Variants in GRIK2 observed in about 807,000 individuals in gnomAD.
The protein encoded by GRIK2 is glutamate ionotropic receptor kainate type subunit 2, also known as glutamate receptor ionotropic, kainate 2.
In GRIK2, 32 loss-of-function variants were observed where a neutral mutation model predicts 100.3. The observed-to-expected ratio is 0.32, with a 90% CI of 0.24 to 0.43. The LOEUF is 0.43. Among genes scored for constraint, GRIK2 ranks in the 20% least tolerant of loss-of-function variants. The probability of loss-of-function intolerance (pLI) is 1.00; values close to 1 mark genes in which losing one functional copy is unlikely to be tolerated. For missense variants in GRIK2, 843 were observed against 1,114.9 expected (o/e 0.76, Z 3.47); for synonymous variants, 417 against 389.4 (o/e 1.07, Z -0.83).
At chr6:102,021,819 A>T (rs2114366987) in intron 14 of GRIK2, among the ~76,000 whole-genome samples, 1 of 151,356 alleles carries the variant, frequency 6.6e-6, no homozygotes, top group East Asian at 1.9e-4. Context: ...TGTCCTTGAA[A>T]CTTCACCCAG....
intron 2 of GRIK2, among the ~76,000 whole-genome samples, chr6:101,525,382 A>C (rs1484947610): frequency 6.6e-6 from 1 of 152,152 alleles, no homozygotes; most frequent in Non-Finnish European, 1.5e-5. Flanking sequence ...TACGGAATCT[A>C]AGGTTTCAGT....
chr6:101,851,831 A>G (rs905455071), intron 10 of GRIK2, among the ~76,000 whole-genome samples: 14 of 151,806 alleles, frequency 9.2e-5, no homozygotes, highest in East Asian at 5.8e-4. Context: ...ACTATTTACA[A>G]TTTTATATTC....
At position 101,432,752 on chromosome 6, in the gene GRIK2, G is replaced by A. The variant is rs1769479111; in HGVS notation, c.115+33360G>A. Reference sequence around the variant, plus strand: ...ATATTGTTTCTGTCACACAAGAATAGGATTAAAGAGCACAATAGTGACCAT... The same window carrying A: ...ATATTGTTTCTGTCACACAAGAATAAGATTAAAGAGCACAATAGTGACCAT... On this transcript the variant is annotated intron_variant, in intron 2 of 16. Coordinates refer to ENST00000369134, the MANE Select transcript of GRIK2 (RefSeq NM_021956.5). Among the ~76,000 whole-genome samples the A allele has an allele frequency of 2.0e-5, 3 of 152,198 alleles. No homozygotes were observed. The South Asian group carries it at 6.2e-4, about 32-fold the overall frequency.
intron 7 of GRIK2, among the ~76,000 whole-genome samples, chr6:101,706,677 G>T (rs1773320453): frequency 6.6e-6 from 1 of 151,846 alleles, no homozygotes; most frequent in African/African-American, 2.4e-5. Flanking sequence ...GATAGAAAAA[G>T]TCTCAGACAA....
chr6:101,426,054 T>A (rs1035309340), intron 2 of GRIK2, among the ~76,000 whole-genome samples: 1 of 152,216 alleles, frequency 6.6e-6, no homozygotes, highest in Non-Finnish European at 1.5e-5. Context: ...CCACATCTAT[T>A]GAGAGGTGGC....
chr6:101,665,729 G>A (rs1218696140), intron 4 of GRIK2, among the ~76,000 whole-genome samples: 2 of 152,168 alleles, frequency 1.3e-5, no homozygotes, highest in African/African-American at 4.8e-5. Context: ...TGTTAGAAGA[G>A]GTAAGAGTTG....
intron 14 of GRIK2, among the ~76,000 whole-genome samples, chr6:101,965,647 G>A (rs1042021646): frequency 6.6e-6 from 1 of 152,038 alleles, no homozygotes; most frequent in Admixed American, 6.6e-5. Flanking sequence ...ACACAATAAT[G>A]TATTGACATT....
At chr6:101,878,671 A>T (rs1786038194) in intron 11 of GRIK2, among the ~76,000 whole-genome samples, 2 of 151,946 alleles carry the variant, frequency 1.3e-5, no homozygotes. Context: ...TTCTCTTACA[A>T]GTCATTCGTT....
chr6:101,934,766 A>G (rs1315874580), intron 14 of GRIK2, among the ~76,000 whole-genome samples: 2 of 152,056 alleles, frequency 1.3e-5, no homozygotes, highest in East Asian at 3.9e-4. Context: ...GAAGAGATTT[A>G]CTCATTAGCA....
chr6:101,896,113 T>A, intron 12 of GRIK2, among the ~76,000 whole-genome samples: 1 of 151,726 alleles, frequency 6.6e-6, no homozygotes, highest in East Asian at 1.9e-4. Context: ...GTGGTTCCAG[T>A]GATGTTTATG....
intron 14 of GRIK2, among the ~76,000 whole-genome samples, chr6:101,973,611 A>T (rs186918439): frequency 4.0e-4 from 61 of 152,034 alleles, no homozygotes; most frequent in African/African-American, 1.3e-3. Context: ...TGTTTTAAAC[A>T]TACTACCAAT....
chr6:101,753,545 C>G (rs1259562622), intron 7 of GRIK2, among the ~76,000 whole-genome samples: 2 of 151,580 alleles, frequency 1.3e-5, no homozygotes, highest in Non-Finnish European at 2.9e-5. Flanking sequence ...TGAAAGGTAA[C>G]TAACTGTTTC....
At chr6:101,691,219 G>A (rs1772069972) in intron 7 of GRIK2, among the ~76,000 whole-genome samples, 2 of 151,680 alleles carry the variant, frequency 1.3e-5, no homozygotes, top group Admixed American at 1.3e-4. Flanking sequence ...TTGCCCTCTT[G>A]TACTTTATTA....
chr6:101,879,715 G>A (rs1786114961), intron 11 of GRIK2, among the ~76,000 whole-genome samples: 1 of 151,320 alleles, frequency 6.6e-6, no homozygotes, highest in Non-Finnish European at 1.5e-5. Flanking sequence ...CCTGAGTTGG[G>A]CAACTGGAAG....
chr6:101,808,028 T>A (rs1045542445), intron 9 of GRIK2, among the ~76,000 whole-genome samples: 1 of 152,074 alleles, frequency 6.6e-6, no homozygotes, highest in African/African-American at 2.4e-5. Flanking sequence ...TTGTTTAGAA[T>A]GTGTAACCAG....
At chr6:101,922,199 C>G (rs1789598138) in intron 12 of GRIK2, among the ~76,000 whole-genome samples, 1 of 147,832 alleles carries the variant, frequency 6.8e-6, no homozygotes, top group South Asian at 2.2e-4. Flanking sequence ...ATTATATAGT[C>G]TGAGAAAATA....
intron 2 of GRIK2, among the ~76,000 whole-genome samples, chr6:101,619,906 G>A (rs1780069207): frequency 6.6e-6 from 1 of 152,110 alleles, no homozygotes; most frequent in South Asian, 2.1e-4. Flanking sequence ...ATAGCTATGT[G>A]ATCTTTGACC....
At chr6:102,021,117 T>C (rs903254477) in intron 14 of GRIK2, among the ~76,000 whole-genome samples, 1 of 151,802 alleles carries the variant, frequency 6.6e-6, no homozygotes, top group African/African-American at 2.4e-5. Flanking sequence ...AATTTCACAT[T>C]TTATGTTAGC....
At chr6:101,908,794 C>CGTAG (rs1482953826) in intron 12 of GRIK2, among the ~76,000 whole-genome samples, 2 of 38,492 alleles carry the variant, frequency 5.2e-5, no homozygotes, top group Non-Finnish European at 9.7e-5. Flanking sequence ...ATATAATGTT[C>CGTAG]ATAGCACATT....
Sources: allele counts gnomAD v4.1 joint callset (sites outside exome capture counted in the v4.1 genomes callset), GRCh38; gene constraint gnomAD v4.1.1; transcripts MANE v1.5; gene names NCBI Gene and HGNC (gene_info 2026-07-23, HGNC 2026-07-21).